VPS13B: variants seen among roughly 807,000 people sequenced by gnomAD.
VPS13B encodes intermembrane lipid transfer protein VPS13B.
VPS13B carries 285 observed loss-of-function variants against 426.4 expected under a neutral mutation model. The ratio of observed to expected loss-of-function variants is 0.67; its 90% CI spans 0.61 to 0.74. The LOEUF is 0.74. VPS13B is among the 30% of genes least tolerant of loss of function. The pLI is 0.00. For synonymous variants in VPS13B, 1,676 were observed against 1,676.4 expected (o/e 1.00, Z 0.01); for missense variants, 4,537 against 4,782.6 (o/e 0.95, Z 1.51).
At chr8:99,220,175 G>A (rs966955328) in intron 17 of VPS13B, among the ~76,000 whole-genome samples, 1 of 152,188 alleles carries the variant, frequency 6.6e-6, no homozygotes, top group African/African-American at 2.4e-5. Flanking sequence ...AAGAGACAGA[G>A]TTTTGGAGTC....
At chr8:99,037,837 CTT>C (rs5893475) in intron 2 of VPS13B, among the ~76,000 whole-genome samples, 4,246 of 142,036 alleles carry the variant, frequency 0.03, 69 homozygotes, top group Middle Eastern at 0.09. Context: ...AAGTGGAATA[CTT>C]TTTTTTTTTT....
In VPS13B at chr8:99,345,524, T is replaced by C. The variant is rs1811490985; in HGVS notation, c.2825-38684T>C. On this transcript the variant is annotated intron_variant, in intron 19 of 61. Transcript: ENST00000357162. ...CACATTGTTATATATTTTTTCTTTT[T>C]TTCAATTATTTAAAATTGTAAAACC... Among the ~76,000 whole-genome samples the C allele has an allele frequency of 4.6e-5, 7 of 152,328 alleles. No individual in the cohort carries two copies. The South Asian group carries it at 1.4e-3, about 32-fold the overall frequency.
intron 23 of VPS13B, among the ~76,000 whole-genome samples, chr8:99,463,677 C>T (rs1259080461): frequency 6.6e-6 from 1 of 152,048 alleles, no homozygotes; most frequent in Non-Finnish European, 1.5e-5. Context: ...TTAATAAACA[C>T]TTTATCTTTA....
intron 8 of VPS13B, among the ~76,000 whole-genome samples, chr8:99,125,243 A>G (rs2132528795): frequency 6.6e-6 from 1 of 152,332 alleles, no homozygotes; most frequent in African/African-American, 2.4e-5. Context: ...GGCAAACCAC[A>G]GGTGTAAGTC....
intron 30 of VPS13B, among the ~76,000 whole-genome samples, chr8:99,547,571 A>G (rs1192973131): frequency 6.6e-6 from 1 of 152,054 alleles, no homozygotes; most frequent in African/African-American, 2.4e-5. Flanking sequence ...GCTGTTCCTT[A>G]TGTAAACATA....
chr8:99,222,225 A>T (rs927274502), intron 17 of VPS13B, among the ~76,000 whole-genome samples: 2 of 152,326 alleles, frequency 1.3e-5, no homozygotes, highest in Non-Finnish European at 2.9e-5. Context: ...AACACATTTT[A>T]GTCTGTCTAA....
Position 99,809,459 on chromosome 8 carries a change from A to C in VPS13B, c.8026A>C (p.Thr2676Pro). Reference protein sequence around the residue: ...SVDHAGTFIRTIQYRGRTASL... With the variant: ...SVDHAGTFIRPIQYRGRTASL... Reference sequence around the variant, plus strand: ...GGACCATGCCGGGACTTTTATTAGAACAATTCAGTACAGGGGTCGAACTGC... The same window carrying C: ...GGACCATGCCGGGACTTTTATTAGACCAATTCAGTACAGGGGTCGAACTGC... The change falls in exon 44 of 62, where the codon ACA becomes CCA. Residue 2676 changes from threonine (T) to proline (P), a missense_variant. By Grantham distance (38) the Thr-to-Pro change is conservative (BLOSUM62 -1). Transcript: ENST00000357162. 1 of 1,614,022 alleles carries C rather than the reference A, an allele frequency of 6.2e-7. No individual in the cohort carries two copies. The highest frequency in any genetic ancestry group is 2.2e-5 in the East Asian group (1 of 44,822).
intron 17 of VPS13B, among the ~76,000 whole-genome samples, chr8:99,273,120 C>A (rs181612641): frequency 6.6e-6 from 1 of 151,530 alleles, no homozygotes; most frequent in Non-Finnish European, 1.5e-5. Context: ...CCTCATTTCA[C>A]CTGACCAAAA....
chr8:99,214,800 A>G (rs1815296455), intron 17 of VPS13B, among the ~76,000 whole-genome samples: 1 of 152,208 alleles, frequency 6.6e-6, no homozygotes, highest in Non-Finnish European at 1.5e-5. Context: ...TGAAAAACTC[A>G]GATGTGACAA....
At chr8:99,177,882 A>C in intron 16 of VPS13B, among the ~76,000 whole-genome samples, 1 of 152,236 alleles carries the variant, frequency 6.6e-6, no homozygotes, top group Non-Finnish European at 1.5e-5. Flanking sequence ...TTGCCTGTGC[A>C]CAGCAGTGGG....
chr8:99,392,632 T>C (rs1295824725), intron 21 of VPS13B, among the ~76,000 whole-genome samples: 2 of 152,118 alleles, frequency 1.3e-5, no homozygotes. Flanking sequence ...ATTTAAAATA[T>C]AATCATATAT....
chr8:99,026,365 T>C (rs1394407528), intron 2 of VPS13B, among the ~76,000 whole-genome samples: 2 of 152,226 alleles, frequency 1.3e-5, no homozygotes, highest in African/African-American at 4.8e-5. Flanking sequence ...AGAAACTTGA[T>C]ATGACTTGGA....
intron 23 of VPS13B, among the ~76,000 whole-genome samples, chr8:99,447,920 C>G (rs1365805143): frequency 1.3e-5 from 2 of 151,696 alleles, no homozygotes; most frequent in African/African-American, 4.8e-5. Context: ...TAGTGCCCAT[C>G]ATTCTTTATA....
chr8:99,480,831 A>G (rs1819997312), intron 24 of VPS13B, among the ~76,000 whole-genome samples: 1 of 152,152 alleles, frequency 6.6e-6, no homozygotes, highest in Non-Finnish European at 1.5e-5. Context: ...TCACTTTTTT[A>G]AAATGGCAAG....
chr8:99,418,171 A>C (rs1392770422), intron 21 of VPS13B, among the ~76,000 whole-genome samples: 2 of 152,132 alleles, frequency 1.3e-5, no homozygotes, highest in Admixed American at 1.3e-4. Context: ...TCCAGTTCTT[A>C]ATCTAAGCCT....
intron 24 of VPS13B, among the ~76,000 whole-genome samples, chr8:99,478,378 A>G (rs1819810342): frequency 7.3e-6 from 1 of 136,160 alleles, no homozygotes; most frequent in African/African-American, 2.8e-5. Context: ...TCCTTGCACC[A>G]CTCACCCATT....
intron 17 of VPS13B, among the ~76,000 whole-genome samples, chr8:99,196,132 G>T (rs183462079): frequency 5.3e-5 from 8 of 152,092 alleles, no homozygotes; most frequent in Admixed American, 5.2e-4. Flanking sequence ...TTTGTATATT[G>T]CTTTGGGTAA....
chr8:99,743,707 C>CA (rs576624143), intron 39 of VPS13B, among the ~76,000 whole-genome samples: 75 of 152,188 alleles, frequency 4.9e-4, no homozygotes, highest in African/African-American at 1.8e-3. Flanking sequence ...ACAAACCTGA[C>CA]AAAAACAAGC....
chr8:99,414,486 A>C (rs1011727317), intron 21 of VPS13B, among the ~76,000 whole-genome samples: 1 of 152,074 alleles, frequency 6.6e-6, no homozygotes, highest in African/African-American at 2.4e-5. Context: ...TATTTTGCCC[A>C]TTAGTTGATG....
Sources: allele counts gnomAD v4.1 joint callset (sites outside exome capture counted in the v4.1 genomes callset), GRCh38; gene constraint gnomAD v4.1.1; transcripts MANE v1.5; gene names NCBI Gene and HGNC (gene_info 2026-07-23, HGNC 2026-07-21).